Variants in AKT1S1 observed in about 807,000 individuals in gnomAD.
The protein encoded by AKT1S1 is AKT1 substrate 1.
AKT1S1 carries 17 observed loss-of-function variants against 21.2 expected under a neutral mutation model. The observed-to-expected ratio is 0.80, with a 90% CI of 0.55 to 1.20. The LOEUF (loss-of-function observed/expected upper bound fraction) is 1.20, where lower values mean the gene tolerates loss of function less well. AKT1S1 is among the 50% of genes most tolerant of loss of function. AKT1S1 has a pLI of 0.00. For missense variants in AKT1S1, 366 were observed against 368.3 expected (o/e 0.99, Z 0.05); for synonymous variants, 181 against 165.6 (o/e 1.09, Z -0.72).
chr19:49,869,980 G>A lies in AKT1S1; in HGVS notation c.708C>T (p.Phe236=). Reference sequence around the variant, plus strand: ...TAAGCCGCGGCCGTGGCAGGTCCCCGAAGACCTGGGTGTCCTCGGCCTCTC... The same window carrying A: ...TAAGCCGCGGCCGTGGCAGGTCCCCAAAGACCTGGGTGTCCTCGGCCTCTC... ...VLREAEDTQV[F]GDLPRPRLNT... Residue 236 remains phenylalanine, a synonymous_variant, in exon 5 of 5, where the codon TTC becomes TTT. Transcript: ENST00000344175. 6.5e-7 allele frequency: 1 copy of A among 1,544,010 alleles called. No individual in the cohort carries two copies. Among genetic ancestry groups the A allele is most frequent in the Non-Finnish European group, 8.8e-7 (1 of 1,142,156 alleles).
intron 1 of AKT1S1, chr19:49,876,564 C>G: frequency 6.7e-7 from 1 of 1,489,092 alleles, no homozygotes; most frequent in Non-Finnish European, 9.0e-7. Flanking sequence ...ACGGCCAAAT[C>G]CTCCCCACAC....
At chr19:49,874,689 G>A (rs143586845) in intron 1 of AKT1S1, 1 of 152,376 alleles carries the variant, frequency 6.6e-6, no homozygotes, top group East Asian at 1.9e-4. Context: ...GACCTTAGAT[G>A]GCTCACTGGC....
At position 49,873,330 on chromosome 19, in the gene AKT1S1, C is replaced by A; in HGVS notation, c.-7-28G>T. ...GCGGGCCAGAGCAGGACAGAGGGGG[C>A]TGAGGCTTGGCGGCCTACATCATCG... On this transcript the variant is annotated intron_variant, in intron 1 of 4. Transcript: ENST00000344175. The surrounding 1 kb of genome is among the most constrained non-coding windows in gnomAD (Gnocchi z 6.9). 1 of 1,419,132 alleles carries A rather than the reference C, an allele frequency of 7.0e-7. No homozygotes were observed. 87.9% of individuals were successfully genotyped at this position (1,419,132 alleles called of 1,614,324 possible).
At position 49,872,644 on chromosome 19, in the gene AKT1S1, G is replaced by A. The variant is rs1184001029; in HGVS notation, c.379+273C>T. ...GGACTCCAGTTCCTTGGCTAGACCG[G>A]GAGCCCCTTGAGAAAAAAGCCCGAG... On this transcript the variant is annotated intron_variant, in intron 2 of 4. Transcript: ENST00000344175. Among the ~76,000 whole-genome samples the A allele has an allele frequency of 2.0e-5, 3 of 152,172 alleles. No individual in the cohort carries two copies. In the East Asian group the frequency reaches 5.8e-4, roughly 29 times the overall value.
chr19:49,876,875 A>T, intron 1 of AKT1S1: 1 of 461,722 alleles, frequency 2.2e-6, no homozygotes, highest in Non-Finnish European at 3.7e-6. Flanking sequence ...CTCAATCATG[A>T]CCACAGTAAA....
In AKT1S1 at chr19:49,873,552, C is replaced by T. The variant is rs1600433514; in HGVS notation, c.-7-250G>A. 1 of 627,074 alleles carries T rather than the reference C, an allele frequency of 1.6e-6. No homozygotes were observed. Among genetic ancestry groups the T allele is most frequent in the East Asian group, 3.7e-5 (1 of 26,782 alleles). The allele number at this position is 627,074 out of a possible 1,614,324, so 38.8% of individuals were successfully genotyped here. On this transcript the variant is annotated intron_variant, in intron 1 of 4. Transcript: ENST00000344175. The surrounding 1 kb of genome is among the most constrained non-coding windows in gnomAD (Gnocchi z 6.9). Reference sequence around the variant, plus strand: ...CTGCCCCAAGTCACTGTACTCCTTCCCCTTTGGCCCTGCCCTGGCCTCTGT... The same window carrying T: ...CTGCCCCAAGTCACTGTACTCCTTCTCCTTTGGCCCTGCCCTGGCCTCTGT...
At chr19:49,870,919 TA>T (rs2074876590) in intron 4 of AKT1S1, among the ~76,000 whole-genome samples, 1 of 152,126 alleles carries the variant, frequency 6.6e-6, no homozygotes, top group African/African-American at 2.4e-5. Context: ...GGTTTGCATA[TA>T]AGGACACTGA....
chr19:49,876,737 T>A (rs2074951735), intron 1 of AKT1S1: 5 of 1,388,200 alleles, frequency 3.6e-6, no homozygotes, highest in Non-Finnish European at 4.7e-6. Context: ...CCGCCCGAGA[T>A]CAAGATGGCG....
At chr19:49,874,319 C>T (rs891919318) in intron 1 of AKT1S1, 10 of 152,340 alleles carry the variant, frequency 6.6e-5, no homozygotes, top group African/African-American at 2.4e-4. Context: ...CTCAGAGAGT[C>T]GGGGCTGAAA....
At chr19:49,876,644 C>T (rs1171969910) in intron 1 of AKT1S1, 1 of 1,511,662 alleles carries the variant, frequency 6.6e-7, no homozygotes, top group East Asian at 2.7e-5. Context: ...CGTCACCGCC[C>T]TCAAAAGACA....
intron 2 of AKT1S1, 24 bp downstream of exon 2, chr19:49,872,893 C>T: frequency 1.3e-6 from 2 of 1,587,104 alleles, no homozygotes; most frequent in Admixed American, 1.7e-5. Context: ...TGGGCCGCAC[C>T]CGCCCCTGCC....
At chr19:49,876,629 G>C (rs1323157012) in intron 1 of AKT1S1, 1 of 1,530,076 alleles carries the variant, frequency 6.5e-7, no homozygotes, top group African/African-American at 1.4e-5. Flanking sequence ...TGGCCGGCCC[G>C]GCGCCGTCAC....
Position 49,873,349 on chromosome 19 carries a change from A to T in AKT1S1, c.-7-47T>A. On this transcript the variant is annotated intron_variant, in intron 1 of 4. Coordinates refer to ENST00000344175, the MANE Select transcript of AKT1S1 (RefSeq NM_001098633.4). The surrounding 1 kb of genome is among the most constrained non-coding windows in gnomAD (Gnocchi z 6.9). ...AGGGGGCTGAGGCTTGGCGGCCTAC[A>T]TCATCGCCACCCACTCAGAGTGCCC... The T allele has an allele frequency of 7.1e-7, 1 of 1,398,906 alleles. No individual in the cohort carries two copies. Among genetic ancestry groups the T allele is most frequent in the Non-Finnish European group, 9.2e-7 (1 of 1,085,254 alleles). The allele number at this position is 1,398,906 out of a possible 1,614,324, so 86.7% of individuals were successfully genotyped here. A position where few individuals can be genotyped will look rare whatever the true frequency, so the allele number is the denominator to read the frequency against.
chr19:49,876,699 T>C (rs542233340), intron 1 of AKT1S1: 28 of 1,436,868 alleles, frequency 1.9e-5, no homozygotes, highest in South Asian at 1.8e-4. Flanking sequence ...CCGCCTCCTC[T>C]CCGCACACTC....
At position 49,873,252 on chromosome 19, in the gene AKT1S1, C is replaced by T; in HGVS notation, c.44G>A (p.Gly15Glu). ...CCGGGCCCGGAAGCGCTCAGCGGCC[C>T]CCACCACGGCCTCCCACAGCTCCTC... ...RPEELWEAVV[G>E]AAERFRARTG... is the part of the protein sequence containing the mutation. The change falls in exon 2 of 5, where the codon GGG becomes GAG. Residue 15 changes from glycine to glutamate, a missense_variant. Transcript: ENST00000344175. This position sits in a 1 kb window ranked among gnomAD's most constrained non-coding sequence, Gnocchi z 6.9. 6.5e-7 allele frequency: 1 copy of T among 1,534,578 alleles called. No individual in the cohort carries two copies. The highest frequency in any genetic ancestry group is 8.7e-7 in the Non-Finnish European group (1 of 1,150,998).
rs757867938 is a variant in AKT1S1, at chr19:49,873,290, C to T, written c.6G>A (p.Ala2=). The change falls in exon 2 of 5, where the codon GCG becomes GCA. Residue 2 remains alanine (A), a synonymous_variant. Coordinates refer to ENST00000344175, the MANE Select transcript of AKT1S1 (RefSeq NM_001098633.4). This position sits in a 1 kb window ranked among gnomAD's most constrained non-coding sequence, Gnocchi z 6.9. M[A]SGRPEELWEA... ...CCCACAGCTCCTCGGGGCGCCCCGA[C>T]GCCATCCGCGCCCTGCGGGCCAGAG... 61 of 1,498,590 alleles carry T rather than the reference C, an allele frequency of 4.1e-5. No homozygotes were observed. In the African/African-American group the frequency reaches 6.7e-4, roughly 16 times the overall value. The allele number at this position is 1,498,590 out of a possible 1,614,324, so 92.8% of individuals were successfully genotyped here.
rs1430981636 is a variant in AKT1S1 at position 49,876,495 on chromosome 19, T to C, written c.-8+742A>G. 4.7e-6 allele frequency: 6 copies of C among 1,285,266 alleles called. No homozygotes were observed. The African/African-American group carries it at 7.8e-5, about 17-fold the overall frequency. 79.6% of individuals were successfully genotyped at this position (1,285,266 alleles called of 1,614,324 possible). ...GCTGGCAGACCTCTGCCCTCTGATCTGTGCAGGCCATACCCCTCCCGTGAG... is the reference window on the plus strand; with the variant it reads ...GCTGGCAGACCTCTGCCCTCTGATCCGTGCAGGCCATACCCCTCCCGTGAG... On this transcript the variant is annotated intron_variant, in intron 1 of 4. Coordinates refer to ENST00000344175, the MANE Select transcript of AKT1S1 (RefSeq NM_001098633.4).
At position 49,872,894 on chromosome 19, in the gene AKT1S1, C is replaced by A. The variant is rs201650520; in HGVS notation, c.379+23G>T. 2.5e-6 allele frequency: 4 copies of A among 1,587,992 alleles called. No individual in the cohort carries two copies. The South Asian group carries it at 4.5e-5, about 18-fold the overall frequency. On this transcript the variant is annotated intron_variant, in intron 2 of 4. Transcript: ENST00000344175. ...GGCACCTCAAGCGCTGGGCCGCACC[C>A]GCCCCTGCCCCCACCCTCTCACCTC...
rs920569560 is a variant in AKT1S1 at position 49,875,727 on chromosome 19, GGTGA to G, written c.-8+1506_-8+1509del. On this transcript the variant is annotated intron_variant, in intron 1 of 4. Transcript: ENST00000344175. Reference sequence around the variant, plus strand: ...GCCACGGGATTAAAGAGTGAAATAGGGTGAGTGAGTTGTGAGGGCTCCCCCAACT... The same window carrying G: ...GCCACGGGATTAAAGAGTGAAATAGGGTGAGTTGTGAGGGCTCCCCCAACT... 7 of 386,212 alleles carry G rather than the reference GGTGA, an allele frequency of 1.8e-5. No individual in the cohort carries two copies. In the East Asian group the frequency reaches 4.9e-4, roughly 27 times the overall value. 23.9% of individuals were successfully genotyped at this position (386,212 alleles called of 1,614,324 possible). A position where few individuals can be genotyped will look rare whatever the true frequency, so the allele number is the denominator to read the frequency against.
Sources: allele counts gnomAD v4.1 joint callset (sites outside exome capture counted in the v4.1 genomes callset), GRCh38; gene constraint gnomAD v4.1.1; non-coding constraint Gnocchi (gnomAD v3.1); transcripts MANE v1.5; gene names NCBI Gene and HGNC (gene_info 2026-07-23, HGNC 2026-07-21).